The following HDAC8 variants were observed in gnomAD, a reference collection of about 807,000 sequenced individuals.
HDAC8 encodes histone deacetylase 8, also known as histone deacetylase-like 1.
HDAC8 carries 1 observed loss-of-function variant against 32.2 expected under a neutral mutation model. The ratio of observed to expected loss-of-function variants is 0.03; its 90% CI spans 0.01 to 0.15. The LOEUF (loss-of-function observed/expected upper bound fraction) is 0.15. Among genes scored for constraint, HDAC8 ranks in the 10% least tolerant of loss-of-function variants. The pLI, the probability that HDAC8 is intolerant of heterozygous loss-of-function variation, is 1.00. For synonymous variants in HDAC8, 108 were observed against 113.9 expected, an observed-to-expected ratio of 0.95 and a Z score of 0.33; for missense variants, 117 against 300.0, an observed-to-expected ratio of 0.39 and a Z score of 4.51.
intron 9 of HDAC8, among the ~76,000 whole-genome samples, chrX:72,455,713 C>CA (rs2047700375): frequency 8.9e-6 from 1 of 111,935 alleles, no homozygotes; most frequent in Non-Finnish European, 1.9e-5. Flanking sequence ...AATACTTAAG[C>CA]TTTTTTTCCA....
chrX:72,485,244 C>T (rs1458214023), intron 7 of HDAC8, among the ~76,000 whole-genome samples: 1 of 112,055 alleles, frequency 8.9e-6, no homozygotes, highest in African/African-American at 3.2e-5. Flanking sequence ...GTGATACCAA[C>T]TCTAGCAGCT....
intron 9 of HDAC8, among the ~76,000 whole-genome samples, chrX:72,371,969 G>A (rs2044889826): frequency 9.0e-6 from 1 of 110,675 alleles, no homozygotes; most frequent in Non-Finnish European, 1.9e-5. Context: ...TAAGGGGTTG[G>A]GGAATGCTGG....
chrX:72,568,644 A>G, intron 3 of HDAC8, 110 bp downstream of exon 3: 2 of 936,272 alleles, frequency 2.1e-6, no homozygotes, highest in Non-Finnish European at 3.0e-6. Flanking sequence ...CAAAAGATTA[A>G]GATTGACAGT....
chrX:72,509,178 G>A (rs964966352), intron 4 of HDAC8, among the ~76,000 whole-genome samples: 8 of 108,231 alleles, frequency 7.4e-5, no homozygotes, highest in East Asian at 2.9e-4. Context: ...TCAGCTCACC[G>A]CAACCTCCAC....
chrX:72,433,790 A>T (rs185984110), intron 9 of HDAC8, among the ~76,000 whole-genome samples: 186 of 112,096 alleles, frequency 1.7e-3, no homozygotes, highest in Non-Finnish European at 1.6e-3. Context: ...GTTGTCCTTT[A>T]GAATGGCCTT....
chrX:72,337,148 C>G (rs190847672), intron 10 of HDAC8, among the ~76,000 whole-genome samples: 2 of 111,913 alleles, frequency 1.8e-5, no homozygotes, highest in South Asian at 3.8e-4. Context: ...ATGAATTTTG[C>G]AAATATTTCT....
intron 4 of HDAC8, among the ~76,000 whole-genome samples, chrX:72,535,036 A>T (rs1556038357): frequency 8.9e-6 from 1 of 111,792 alleles, no homozygotes; most frequent in Non-Finnish European, 1.9e-5. Flanking sequence ...GGCATTTAAG[A>T]GCACCCCTAC....
intron 10 of HDAC8, among the ~76,000 whole-genome samples, chrX:72,342,243 C>T (rs1188411742): frequency 8.9e-6 from 1 of 112,702 alleles, no homozygotes; most frequent in African/African-American, 3.2e-5. Context: ...TCCTTCATGA[C>T]CCGACCATGG....
In HDAC8 at chrX:72,329,646, G is replaced by A. The variant is rs781836141; in HGVS notation, c.*408C>T. The A allele has an allele frequency of 2.5e-5, 30 of 1,177,073 alleles. No homozygotes were observed. Among genetic ancestry groups the A allele is most frequent in the Non-Finnish European group, 3.4e-5 (30 of 878,315 alleles). ...CAGGGCTCCACCTGGATGGTCCTGA[G>A]GCCCAAACCCTGCCTGTCAGCTGCC... is the stretch of plus-strand genomic sequence containing the variant. On this transcript the variant is annotated 3_prime_UTR_variant, in exon 11 of 11. Coordinates refer to ENST00000373573, the MANE Select transcript of HDAC8 (RefSeq NM_018486.3).
At chrX:72,491,044 T>C (rs782671362) in intron 5 of HDAC8, 38 bp from the exon 6 acceptor site, 2 of 966,655 alleles carry the variant, frequency 2.1e-6, no homozygotes, top group Admixed American at 2.2e-5. Context: ...TCACTTCACA[T>C]ATGGCATTCC....
intron 6 of HDAC8, among the ~76,000 whole-genome samples, chrX:72,490,563 T>C (rs2048833082): frequency 1.2e-5 from 1 of 85,082 alleles, no homozygotes; most frequent in African/African-American, 4.7e-5. Flanking sequence ...TGAGAACACA[T>C]GGACACAGGA....
chrX:72,552,154 A>G (rs940923623), intron 4 of HDAC8, among the ~76,000 whole-genome samples: 1 of 112,508 alleles, frequency 8.9e-6, no homozygotes, highest in South Asian at 3.7e-4. Flanking sequence ...AGTATATTAT[A>G]TAAGTGTGTA....
intron 4 of HDAC8, among the ~76,000 whole-genome samples, chrX:72,551,890 A>G (rs1185390734): frequency 3.6e-5 from 4 of 111,731 alleles, no homozygotes; most frequent in East Asian, 5.6e-4. Context: ...TGGTTCTACA[A>G]ATGTTCTGTA....
rs549411405 is a variant in HDAC8 at position 72,416,408 on chromosome X, G to GTT, written c.1005+45594_1005+45595dup. On this transcript the variant is annotated intron_variant, in intron 9 of 10. Coordinates refer to ENST00000373573, the MANE Select transcript of HDAC8 (RefSeq NM_018486.3). Reference sequence around the variant, plus strand: ...GATATTGGAAATTTGTGTCTTCTCTGTTTTTTTTTTTTTTTTTTTTTTTTT... The same window carrying GTT: ...GATATTGGAAATTTGTGTCTTCTCTGTTTTTTTTTTTTTTTTTTTTTTTTTTT... 2.2e-3 allele frequency among the ~76,000 whole-genome samples: 8 copies of GTT among 3,692 alleles called. 2 individuals carry two copies. The highest frequency in any genetic ancestry group is 6.8e-3 in the Non-Finnish European group (8 of 1,177). The allele number at this position is 3,692 out of a possible 115,157, so 3.2% of individuals were successfully genotyped here.
At chrX:72,356,129 A>C (rs1474454853) in intron 9 of HDAC8, among the ~76,000 whole-genome samples, 1 of 112,024 alleles carries the variant, frequency 8.9e-6, no homozygotes, top group African/African-American at 3.2e-5. Context: ...AGCCCAGGAC[A>C]GTAGGATAAC....
chrX:72,508,644 A>T (rs1473482890), intron 4 of HDAC8, among the ~76,000 whole-genome samples: 1 of 111,791 alleles, frequency 8.9e-6, no homozygotes, highest in Non-Finnish European at 1.9e-5. Context: ...TTATGGATTA[A>T]TGGGTTATTG....
intron 9 of HDAC8, among the ~76,000 whole-genome samples, chrX:72,412,417 A>C (rs1642034928): frequency 9.0e-6 from 1 of 111,532 alleles, no homozygotes. Context: ...CTTCCCTTTG[A>C]AATGTAGCAG....
intron 7 of HDAC8, among the ~76,000 whole-genome samples, chrX:72,472,021 AT>A (rs1555997869): frequency 2.7e-5 from 3 of 109,968 alleles, no homozygotes; most frequent in Non-Finnish European, 3.8e-5. Context: ...ATTAATTTTT[AT>A]ATATGGTGCG....
intron 4 of HDAC8, among the ~76,000 whole-genome samples, chrX:72,560,376 G>C (rs1356589230): frequency 9.2e-6 from 1 of 108,460 alleles, no homozygotes; most frequent in Non-Finnish European, 1.9e-5. Context: ...TGCTCATTAA[G>C]AGTCATCACC....
Sources: gnomAD v4.1 joint callset for allele counts (sites outside exome capture counted in the v4.1 genomes callset) on GRCh38, gnomAD v4.1.1 for gene constraint, MANE v1.5 for transcripts, NCBI Gene and HGNC (gene_info 2026-07-23, HGNC 2026-07-21) for gene names.